ADGRG4: variants seen among roughly 807,000 people sequenced by gnomAD.
The protein encoded by ADGRG4 is adhesion G protein-coupled receptor G4, also known as G protein-coupled receptor 112.
A neutral mutation model predicts 126.2 loss-of-function variants in ADGRG4; 122 were observed. That is an observed-to-expected ratio of 0.97 (90% CI 0.83 to 1.12). The LOEUF is 1.12. ADGRG4 is among the 50% of genes most tolerant of loss of function. The pLI, the probability that ADGRG4 is intolerant of heterozygous loss-of-function variation, is 0.00. For synonymous variants in ADGRG4, 943 were observed against 838.7 expected, an observed-to-expected ratio of 1.12 and a Z score of -2.15; for missense variants, 2,481 against 2,251.8, an observed-to-expected ratio of 1.10 and a Z score of -2.06.
intron 5 of ADGRG4, among the ~76,000 whole-genome samples, chrX:136,326,492 C>A (rs377714883): frequency 1.8e-5 from 2 of 111,752 alleles, no homozygotes; most frequent in Non-Finnish European, 3.8e-5. Context: ...ATGTTCTTTT[C>A]ACCTCCCACC....
chrX:136,412,233 C>T (rs1569340454), intron 23 of ADGRG4, 32 bp from the exon 24 acceptor site: 1 of 1,038,802 alleles, frequency 9.6e-7, no homozygotes, highest in Non-Finnish European at 1.4e-6. Flanking sequence ...TGAAAGAAAC[C>T]AAAAAAGACT....
rs181076743 is a variant in ADGRG4 at position 136,395,513 on chromosome X, C to G, written c.8184+20C>G. 4.0e-5 allele frequency: 37 copies of G among 934,774 alleles called. No homozygotes were observed. The highest frequency in any genetic ancestry group is 4.6e-6 in the Non-Finnish European group (3 of 654,429). 77.0% of individuals were successfully genotyped at this position (934,774 alleles called of 1,213,427 possible). On this transcript the variant is annotated intron_variant, in intron 19 of 25. Coordinates refer to ENST00000394143, the MANE Select transcript of ADGRG4 (RefSeq NM_153834.4). ...TTAATGGTGAGTTGTCTCTTAGTCA[C>G]TCCTCGATGGAAGTTTGACAATTTT...
chrX:136,317,177 C>T (rs1209718499), intron 4 of ADGRG4, among the ~76,000 whole-genome samples: 3 of 111,397 alleles, frequency 2.7e-5, no homozygotes, highest in Admixed American at 9.6e-5. Flanking sequence ...ATCTTCACGA[C>T]CTTTGGTTTG....
At chrX:136,384,473 G>C (rs772500455) in intron 15 of ADGRG4, among the ~76,000 whole-genome samples, 5 of 111,287 alleles carry the variant, frequency 4.5e-5, no homozygotes, top group Non-Finnish European at 9.4e-5. Context: ...AGAAAAAATG[G>C]TTTTTTACAT....
At chrX:136,352,777 T>A (rs776092955) in intron 7 of ADGRG4, among the ~76,000 whole-genome samples, 2 of 111,972 alleles carry the variant, frequency 1.8e-5, no homozygotes, top group Non-Finnish European at 3.8e-5. Flanking sequence ...TGGTTATAAA[T>A]CCTTGAAAAT....
Position 136,322,826 on chromosome X carries a change from A to G in ADGRG4, c.119A>G (p.Asp40Gly). ...AAGCTGGATTTTTTTGGAAGAGGTGACACATATGTAAGCCTGATAGATACC... is the reference window on the plus strand; with the variant it reads ...AAGCTGGATTTTTTTGGAAGAGGTGGCACATATGTAAGCCTGATAGATACC... ...GKKLDFFGRGDTYVSLIDTIP... is the reference protein window; with the variant it reads ...GKKLDFFGRGGTYVSLIDTIP... Residue 40 changes from aspartate to glycine, a missense_variant, in exon 5 of 26, where the codon GAC becomes GGC. Asp to Gly is a moderately conservative substitution (Grantham distance 94). Transcript: ENST00000394143. The G allele has an allele frequency of 2.5e-6, 3 of 1,201,142 alleles. No homozygotes were observed. Among genetic ancestry groups the G allele is most frequent in the Non-Finnish European group, 3.4e-6 (3 of 889,834 alleles).
intron 5 of ADGRG4, among the ~76,000 whole-genome samples, chrX:136,331,619 A>G (rs1440052205): frequency 1.8e-5 from 2 of 111,042 alleles, no homozygotes; most frequent in Non-Finnish European, 3.8e-5. Context: ...CATTCTTGTA[A>G]ATTTGTAGTG....
chrX:136,312,812 C>T (rs1341425784), intron 4 of ADGRG4, among the ~76,000 whole-genome samples: 1 of 110,998 alleles, frequency 9.0e-6, no homozygotes, highest in Non-Finnish European at 1.9e-5. Flanking sequence ...ACTCTCCGTT[C>T]CTCCCCCAGC....
Position 136,405,848 on chromosome X carries a change from T to C in ADGRG4, c.8811T>C (p.His2937=). The C allele has an allele frequency of 8.3e-7, 1 of 1,210,428 alleles. No homozygotes were observed. The highest frequency in any genetic ancestry group is 1.1e-6 in the Non-Finnish European group (1 of 894,831). Residue 2937 remains histidine, a synonymous_variant, in exon 23 of 26, where the codon CAT becomes CAC. Coordinates refer to ENST00000394143, the MANE Select transcript of ADGRG4 (RefSeq NM_153834.4). ...IQKTRRKMIL[H]DLKGTMSLTF... ...AGACTCGGCGGAAGATGATCCTGCA[T>C]GACCTCAAAGGCACAATGAGCCTGA...
At chrX:136,309,883 G>A (rs980412616) in intron 4 of ADGRG4, among the ~76,000 whole-genome samples, 1 of 111,699 alleles carries the variant, frequency 9.0e-6, no homozygotes, top group Non-Finnish European at 1.9e-5. Context: ...CACAGTTTAG[G>A]CACTTGGTTC....
Position 136,349,551 on chromosome X carries a change from C to T in ADGRG4, c.5845C>T (p.His1949Tyr), listed in dbSNP as rs1180794511. 5.0e-6 allele frequency: 6 copies of T among 1,209,515 alleles called. No homozygotes were observed. The Admixed American group carries it at 1.3e-4, about 26-fold the overall frequency. The change falls in exon 6 of 26, where the codon CAT becomes TAT. Residue 1949 changes from histidine to tyrosine, a missense_variant. Transcript: ENST00000394143. ...TCCTATGTCAGGAATTCTTCCTAACCATGGGCTTTCTGAGAACCCTTCATT... is the reference window on the plus strand; with the variant it reads ...TCCTATGTCAGGAATTCTTCCTAACTATGGGCTTTCTGAGAACCCTTCATT... ...SIPMSGILPN[H>Y]GLSENPSLST...
chrX:136,403,808 C>T (rs979947067), intron 22 of ADGRG4, among the ~76,000 whole-genome samples: 4 of 112,100 alleles, frequency 3.6e-5, no homozygotes, highest in Non-Finnish European at 7.5e-5. Flanking sequence ...TAAACGGCCT[C>T]GGCTTTATTG....
Position 136,371,471 on chromosome X carries a change from A to G in ADGRG4, c.7540A>G (p.Met2514Val), listed in dbSNP as rs1915082460. The change falls in exon 14 of 26, where the codon ATG (methionine) becomes GTG (valine). Residue 2514 changes from methionine (M) to valine (V), a missense_variant. Transcript: ENST00000394143. ...DEISMNLTHVMLQIINVVLEK... is the reference protein window; with the variant it reads ...DEISMNLTHVVLQIINVVLEK... ...GATAAGTATGAACCTAACTCATGTTATGTTACAAATAATCAACGTTGTTTT... is the reference window on the plus strand; with the variant it reads ...GATAAGTATGAACCTAACTCATGTTGTGTTACAAATAATCAACGTTGTTTT... 1 of 1,198,274 alleles carries G rather than the reference A, an allele frequency of 8.3e-7. No homozygotes were observed. Among genetic ancestry groups the G allele is most frequent in the Admixed American group, 2.3e-5 (1 of 44,436 alleles).
At chrX:136,371,772 A>G (rs1477638330) in intron 14 of ADGRG4, among the ~76,000 whole-genome samples, 1 of 111,723 alleles carries the variant, frequency 9.0e-6, no homozygotes, top group Non-Finnish European at 1.9e-5. Context: ...ATTAGGCATT[A>G]TAAGTAATCT....
Position 136,344,893 on chromosome X carries a change from C to T in ADGRG4, c.1187C>T (p.Ala396Val), listed in dbSNP as rs769639887. Residue 396 changes from alanine to valine, a missense_variant, in exon 6 of 26, where the codon GCT becomes GTT. By Grantham distance (64) the Ala-to-Val change is moderately conservative. Transcript: ENST00000394143. ...ACTTCAGCAATTAAATCTCAGTCGG[C>T]TGTTACGAAGACAACATCTTTATTT... is the stretch of plus-strand genomic sequence containing the variant. Reference protein sequence around the residue: ...STTSAIKSQSAVTKTTSLFST... With the variant: ...STTSAIKSQSVVTKTTSLFST... 5.0e-6 allele frequency: 6 copies of T among 1,210,729 alleles called. No homozygotes were observed. In the East Asian group the frequency reaches 1.5e-4, roughly 30 times the overall value.
At position 136,351,464 on chromosome X, in the gene ADGRG4, GA is replaced by G. The variant is rs1169867606; in HGVS notation, c.6748del (p.Met2250Ter). On this transcript the variant is annotated frameshift_variant, in exon 7 of 26. Transcript: ENST00000394143. LOFTEE classifies it high-confidence loss of function. Reference sequence around the variant, plus strand: ...AATTACAGTTTCCTTCTACAATGTTGAAATGAGCTTCTCTGTCTTTGTTGAA... The same window carrying G: ...AATTACAGTTTCCTTCTACAATGTTGAATGAGCTTCTCTGTCTTTGTTGAA... ...TKSTVSFYNV[E>X]MSFSVFVEEP... The G allele has an allele frequency of 8.8e-7, 1 of 1,138,684 alleles. No homozygotes were observed. The highest frequency in any genetic ancestry group is 2.0e-5 in the South Asian group (1 of 49,236). 93.8% of individuals were successfully genotyped at this position (1,138,684 alleles called of 1,213,427 possible). A position where few individuals can be genotyped will look rare whatever the true frequency, so the allele number is the denominator to read the frequency against.
chrX:136,411,844 C>G (rs1016081693), intron 23 of ADGRG4, among the ~76,000 whole-genome samples: 1 of 112,717 alleles, frequency 8.9e-6, no homozygotes. Context: ...GTCCTCAGGA[C>G]AAAATACTTG....
intron 7 of ADGRG4, among the ~76,000 whole-genome samples, chrX:136,352,376 C>A (rs1322976685): frequency 1.8e-5 from 2 of 109,847 alleles, no homozygotes; most frequent in African/African-American, 6.6e-5. Flanking sequence ...TATTTAGAAA[C>A]AATGCTGGGC....
intron 24 of ADGRG4, among the ~76,000 whole-genome samples, chrX:136,412,861 A>G (rs1049687289): frequency 4.5e-5 from 5 of 111,832 alleles, no homozygotes; most frequent in Non-Finnish European, 9.4e-5. Context: ...GCCTCTTAGC[A>G]CTGGTGCTTC....
Sources: allele counts gnomAD v4.1 joint callset (sites outside exome capture counted in the v4.1 genomes callset), GRCh38; gene constraint gnomAD v4.1.1; transcripts MANE v1.5; gene names NCBI Gene and HGNC (gene_info 2026-07-23, HGNC 2026-07-21).